Variants in ADAMTS12 observed in about 807,000 individuals in gnomAD.
ADAMTS12 encodes the protein A disintegrin and metalloproteinase with thrombospondin motifs 12.
In ADAMTS12, 118 loss-of-function variants were observed where a neutral mutation model predicts 167.8. That is an observed-to-expected ratio of 0.70 (90% CI 0.61 to 0.82). ADAMTS12 has a LOEUF of 0.82. Among genes scored for constraint, ADAMTS12 ranks in the 40% least tolerant of loss-of-function variants. The pLI is 0.00. For missense variants in ADAMTS12, 1,916 were observed against 1,998.8 expected, an observed-to-expected ratio of 0.96 and a Z score of 0.79; for synonymous variants, 704 against 716.9, an observed-to-expected ratio of 0.98 and a Z score of 0.29.
intron 3 of ADAMTS12, among the ~76,000 whole-genome samples, chr5:33,694,194 AG>A (rs1742663733): frequency 6.6e-6 from 1 of 152,234 alleles, no homozygotes; most frequent in Admixed American, 6.5e-5. Context: ...GCTCATGGAT[AG>A]GAAGAATCAA....
Position 33,789,340 on chromosome 5 carries a change from C to T in ADAMTS12, c.490-37792G>A, listed in dbSNP as rs567228341. Among the ~76,000 whole-genome samples, 3 of 152,360 alleles carry T rather than the reference C, an allele frequency of 2.0e-5. No homozygotes were observed. In the South Asian group the frequency reaches 6.2e-4, roughly 32 times the overall value. ...ACTCCAGCAGCAGATGCTGCCCACA[C>T]ATGGCCTCCCCCAGGGCTGAGAGTG... is the stretch of plus-strand genomic sequence containing the variant. On this transcript the variant is annotated intron_variant, in intron 2 of 23. Transcript: ENST00000504830.
chr5:33,842,804 T>C (rs1479518679), intron 2 of ADAMTS12, among the ~76,000 whole-genome samples: 2 of 152,050 alleles, frequency 1.3e-5, no homozygotes, highest in Non-Finnish European at 2.9e-5. Context: ...AGGATAACAG[T>C]GGGGTGCGAA....
Position 33,549,371 on chromosome 5 carries a change from A to C in ADAMTS12, c.4138T>G (p.Cys1380Gly), listed in dbSNP as rs1198248830. Residue 1380 changes from cysteine to glycine, a missense_variant, in exon 21 of 24, where the codon TGC (cysteine) becomes GGC (glycine). Cys to Gly is a radical substitution (Grantham distance 159, BLOSUM62 -3). Transcript: ENST00000504830. ...VGNWSKCSRN[C>G]SGGFKIREIQ... ...TCGCGTATCTTGAAGCCCCCACTGC[A>C]GTTTCTGGAGCACTGTATGGAGAGA... 2 of 1,613,418 alleles carry C rather than the reference A, an allele frequency of 1.2e-6. No individual in the cohort carries two copies. The highest frequency in any genetic ancestry group is 1.7e-6 in the Non-Finnish European group (2 of 1,179,528).
At chr5:33,785,451 A>ATG (rs1199105366) in intron 2 of ADAMTS12, among the ~76,000 whole-genome samples, 1 of 151,794 alleles carries the variant, frequency 6.6e-6, no homozygotes, top group African/African-American at 2.4e-5. Context: ...GTGTGTGTAC[A>ATG]TGTGTGTGTG....
chr5:33,527,475 C>T, intron 23 of ADAMTS12, 109 bp from the exon 24 acceptor site: 1 of 1,097,406 alleles, frequency 9.1e-7, no homozygotes, highest in Admixed American at 2.6e-5. Flanking sequence ...AAGAAAGGAG[C>T]CATAACAATT....
At chr5:33,540,978 A>G (rs1400055312) in intron 22 of ADAMTS12, among the ~76,000 whole-genome samples, 1 of 152,216 alleles carries the variant, frequency 6.6e-6, no homozygotes, top group Non-Finnish European at 1.5e-5. Flanking sequence ...CTGGATGGAG[A>G]ATGACTTTGA....
intron 3 of ADAMTS12, among the ~76,000 whole-genome samples, chr5:33,714,248 C>T (rs1743517016): frequency 6.6e-6 from 1 of 151,938 alleles, no homozygotes; most frequent in Non-Finnish European, 1.5e-5. Flanking sequence ...GTTAGGAAGG[C>T]TATTGTCAAA....
chr5:33,805,954 A>T (rs1244997864), intron 2 of ADAMTS12, among the ~76,000 whole-genome samples: 1 of 152,148 alleles, frequency 6.6e-6, no homozygotes, highest in African/African-American at 2.4e-5. Flanking sequence ...TGTAAAGAAC[A>T]TAAATTGCAG....
intron 2 of ADAMTS12, among the ~76,000 whole-genome samples, chr5:33,873,063 G>T (rs1253645058): frequency 2.0e-5 from 3 of 151,118 alleles, no homozygotes; most frequent in Non-Finnish European, 2.9e-5. Context: ...CATATTGAAA[G>T]TTCTAGGTAG....
intron 11 of ADAMTS12, among the ~76,000 whole-genome samples, chr5:33,640,576 A>T (rs1469000445): frequency 6.6e-6 from 1 of 152,240 alleles, no homozygotes. Flanking sequence ...ACTCTATGAG[A>T]AACTCTTGGT....
chr5:33,842,931 C>A (rs1411154748), intron 2 of ADAMTS12, among the ~76,000 whole-genome samples: 1 of 152,176 alleles, frequency 6.6e-6, no homozygotes, highest in East Asian at 1.9e-4. Context: ...ATAGGGTCAA[C>A]TTCATAGATT....
At chr5:33,761,255 T>C (rs1263599779) in intron 2 of ADAMTS12, among the ~76,000 whole-genome samples, 1 of 152,200 alleles carries the variant, frequency 6.6e-6, no homozygotes, top group Non-Finnish European at 1.5e-5. Flanking sequence ...GGCCTTCTTC[T>C]CCCACTCTGA....
intron 16 of ADAMTS12, among the ~76,000 whole-genome samples, chr5:33,600,683 T>G (rs1478119521): frequency 2.0e-5 from 3 of 152,206 alleles, no homozygotes; most frequent in Admixed American, 1.3e-4. Flanking sequence ...AAGGTCTCTT[T>G]TTTAAAATAA....
chr5:33,846,862 A>G (rs1454088625), intron 2 of ADAMTS12, among the ~76,000 whole-genome samples: 1 of 152,256 alleles, frequency 6.6e-6, no homozygotes, highest in African/African-American at 2.4e-5. Flanking sequence ...TTGCACACCA[A>G]TTAGCTCATT....
intron 2 of ADAMTS12, among the ~76,000 whole-genome samples, chr5:33,816,430 C>T (rs1011603687): frequency 2.0e-5 from 3 of 152,092 alleles, no homozygotes; most frequent in Admixed American, 6.6e-5. Context: ...AATATATATT[C>T]CTCCTGTCTG....
chr5:33,753,219 T>C (rs976487179), intron 2 of ADAMTS12, among the ~76,000 whole-genome samples: 4 of 152,230 alleles, frequency 2.6e-5, no homozygotes, highest in African/African-American at 9.6e-5. Flanking sequence ...GGTAATACTT[T>C]AACTACCAAC....
intron 3 of ADAMTS12, 120 bp downstream of exon 3, chr5:33,751,284 T>TAA (rs5867210): frequency 0.013 from 11,903 of 939,796 alleles, 4 homozygotes; most frequent in South Asian, 0.018. Context: ...ATGAAGATAT[T>TAA]AAAAAAAAAA....
intron 3 of ADAMTS12, among the ~76,000 whole-genome samples, chr5:33,720,938 T>C (rs1001443053): frequency 2.1e-4 from 32 of 152,224 alleles, no homozygotes; most frequent in African/African-American, 7.5e-4. Context: ...AGAACATTGA[T>C]AGCAACACTA....
At chr5:33,712,760 C>A (rs1010432289) in intron 3 of ADAMTS12, among the ~76,000 whole-genome samples, 1 of 152,110 alleles carries the variant, frequency 6.6e-6, no homozygotes, top group East Asian at 1.9e-4. Flanking sequence ...CTCTTGAGTA[C>A]TTCTTGTACA....
Sources: gnomAD v4.1 joint callset for allele counts (sites outside exome capture counted in the v4.1 genomes callset) on GRCh38, gnomAD v4.1.1 for gene constraint, MANE v1.5 for transcripts, NCBI Gene and HGNC (gene_info 2026-07-23, HGNC 2026-07-21) for gene names.